Variants in HDLBP observed in about 807,000 individuals in gnomAD.
The protein encoded by HDLBP is high density lipoprotein binding protein, also known as vigilin.
In HDLBP, 30 loss-of-function variants were observed where a neutral mutation model predicts 137.3. The observed-to-expected ratio is 0.22, with a 90% CI of 0.16 to 0.30. The LOEUF is 0.30. Ranked by LOEUF, HDLBP falls within the 10% of genes least tolerant of loss-of-function variation. The pLI, the probability that HDLBP is intolerant of heterozygous loss-of-function variation, is 1.00. For synonymous variants in HDLBP, 606 were observed against 596.0 expected, an observed-to-expected ratio of 1.02 and a Z score of -0.24; for missense variants, 1,119 against 1,667.3, an observed-to-expected ratio of 0.67 and a Z score of 5.73.
At chr2:241,267,855 G>A in intron 2 of HDLBP, 1 of 1,429,654 alleles carries the variant, frequency 7.0e-7, no homozygotes. Flanking sequence ...GGGAAACCTG[G>A]CCCAAGGGCG....
chr2:241,291,474 G>GTACT (rs1252158844), intron 1 of HDLBP, among the ~76,000 whole-genome samples: 2 of 152,146 alleles, frequency 1.3e-5, no homozygotes, highest in African/African-American at 4.8e-5. Context: ...CAGGTTTATA[G>GTACT]TACTAGGGGG....
At chr2:241,305,901 C>A (rs1035513451) in intron 1 of HDLBP, among the ~76,000 whole-genome samples, 2 of 151,616 alleles carry the variant, frequency 1.3e-5, no homozygotes, top group African/African-American at 4.8e-5. Flanking sequence ...GCTGGGACTA[C>A]AGGCATCCGC....
At chr2:241,246,418 A>G (rs2071687181) in intron 16 of HDLBP, among the ~76,000 whole-genome samples, 1 of 152,208 alleles carries the variant, frequency 6.6e-6, no homozygotes, top group South Asian at 2.1e-4. Context: ...TACACTGTAA[A>G]TATGTACAAT....
In HDLBP at chr2:241,242,528, C is replaced by G. The variant is rs1477335554; in HGVS notation, c.2101G>C (p.Val701Leu). 2.5e-6 allele frequency: 4 copies of G among 1,614,074 alleles called. No individual in the cohort carries two copies. The highest frequency in any genetic ancestry group is 1.3e-5 in the African/African-American group (1 of 74,924). Residue 701 changes from valine to leucine, a missense_variant, in exon 17 of 28, where the codon GTT (valine) becomes CTT (leucine). Val to Leu is a conservative substitution (Grantham distance 32). Coordinates refer to ENST00000310931, the MANE Select transcript of HDLBP (RefSeq NM_005336.6). The stretch of plus-strand genomic sequence containing the variant: ...ACATCCGAGGAAGGGCCCCTGATAA[C>G]AACGGTGTCGCTTCCTGAACCTTCC... ...PVEGSGSDTV[V>L]IRGPSSDVEK...
intron 1 of HDLBP, among the ~76,000 whole-genome samples, chr2:241,305,791 G>A (rs1224248115): frequency 3.3e-4 from 49 of 146,444 alleles, no homozygotes; most frequent in Non-Finnish European, 7.0e-4. Context: ...ATGGAGTCTC[G>A]CTCTGTCGCC....
intron 3 of HDLBP, among the ~76,000 whole-genome samples, chr2:241,265,175 T>C (rs2073557133): frequency 6.6e-6 from 1 of 152,190 alleles, no homozygotes; most frequent in Non-Finnish European, 1.5e-5. Context: ...TCCCAGCACT[T>C]TGGGAGGCCG....
At chr2:241,314,642 T>C (rs2075937228) in intron 1 of HDLBP, among the ~76,000 whole-genome samples, 1 of 152,210 alleles carries the variant, frequency 6.6e-6, no homozygotes, top group African/African-American at 2.4e-5. Flanking sequence ...CTTCCTTCGA[T>C]TTTACATGGC....
In HDLBP at chr2:241,235,238, C is replaced by T. The variant is rs777296867; in HGVS notation, c.3027G>A (p.Pro1009=). 39 of 1,614,038 alleles carry T rather than the reference C, an allele frequency of 2.4e-5. No homozygotes were observed. The highest frequency in any genetic ancestry group is 8.3e-5 in the Admixed American group (5 of 60,002). Residue 1009 remains proline (P), a synonymous_variant, in exon 23 of 28, where the codon CCG becomes CCA. Coordinates refer to ENST00000310931, the MANE Select transcript of HDLBP (RefSeq NM_005336.6). ...MDEFEVNIHV[P]APELQSDIIA... ...TGATGTCAGACTGCAGCTCAGGTGCCGGGACATGTATGTTCACCTACGTGA... is the reference window on the plus strand; with the variant it reads ...TGATGTCAGACTGCAGCTCAGGTGCTGGGACATGTATGTTCACCTACGTGA...
chr2:241,268,560 T>C lies in HDLBP; in HGVS notation c.-102-19A>G. On this transcript the variant is annotated intron_variant, in intron 1 of 27. Transcript: ENST00000310931. ...GCTTTTGCTGGTATGGGATGGGAAG[T>C]GGGAGAGGAGAGAGAGGAAACCAGA... 1.1e-6 allele frequency: 1 copy of C among 930,504 alleles called. No homozygotes were observed. The highest frequency in any genetic ancestry group is 5.6e-4 in the Middle Eastern group (1 of 1,800). 57.6% of individuals were successfully genotyped at this position (930,504 alleles called of 1,614,324 possible).
intron 1 of HDLBP, among the ~76,000 whole-genome samples, chr2:241,298,071 AAAAAAAAAAAAGG>A (rs1689478897): frequency 6.9e-6 from 1 of 145,468 alleles, no homozygotes; most frequent in African/African-American, 2.5e-5. Context: ...AAAAAAAAAA[AAAAAAAAAAAAGG>A]GCCAGGCATG....
chr2:241,271,590 G>A (rs2074041072), intron 1 of HDLBP, among the ~76,000 whole-genome samples: 1 of 152,182 alleles, frequency 6.6e-6, no homozygotes, highest in Admixed American at 6.5e-5. Context: ...CTTGTGATAA[G>A]TTTTGCCAAC....
rs928760320 is a variant in HDLBP, at chr2:241,239,376, C to CT, written c.2610+225dup. Among the ~76,000 whole-genome samples, 174 of 147,762 alleles carry CT rather than the reference C, an allele frequency of 1.2e-3. 1 individual carries two copies. Among genetic ancestry groups the CT allele is most frequent in the African/African-American group, 3.2e-3 (128 of 40,392 alleles). On this transcript the variant is annotated intron_variant, in intron 19 of 27. Coordinates refer to ENST00000310931, the MANE Select transcript of HDLBP (RefSeq NM_005336.6). This position sits in a 1 kb window ranked among gnomAD's most constrained non-coding sequence, Gnocchi z 4.6. The stretch of plus-strand genomic sequence containing the variant: ...CCTCTCCTCTTCTCCTTCTCTCTCT[C>CT]TTTTTTTTTTTAAGTGCTTCTCGCA...
chr2:241,251,385 A>C (rs1158558187), intron 11 of HDLBP, among the ~76,000 whole-genome samples: 1 of 152,224 alleles, frequency 6.6e-6, no homozygotes, highest in Non-Finnish European at 1.5e-5. Context: ...CTGTCACGTA[A>C]AATGCCCACA....
intron 5 of HDLBP, among the ~76,000 whole-genome samples, chr2:241,261,525 G>A (rs1236640561): frequency 6.6e-6 from 1 of 152,186 alleles, no homozygotes; most frequent in African/African-American, 2.4e-5. Context: ...GAGAGTGTCA[G>A]GGGTCAATGT....
At chr2:241,288,957 G>C (rs2074921599) in intron 1 of HDLBP, among the ~76,000 whole-genome samples, 1 of 152,176 alleles carries the variant, frequency 6.6e-6, no homozygotes, top group Non-Finnish European at 1.5e-5. Flanking sequence ...TACACTTGAT[G>C]ATTTTTTCCT....
chr2:241,276,814 G>A (rs74805620), intron 1 of HDLBP, among the ~76,000 whole-genome samples: 1 of 152,082 alleles, frequency 6.6e-6, no homozygotes, highest in Non-Finnish European at 1.5e-5. Flanking sequence ...GTTACTAGGA[G>A]AAATTGATAT....
At chr2:241,251,825 A>C (rs182757986) in intron 11 of HDLBP, among the ~76,000 whole-genome samples, 43 of 152,138 alleles carry the variant, frequency 2.8e-4, no homozygotes, top group Non-Finnish European at 4.6e-4. Context: ...AAATACAAAA[A>C]AATTAGCTGG....
chr2:241,267,590 A>C, intron 2 of HDLBP: 1 of 1,535,706 alleles, frequency 6.5e-7, no homozygotes, highest in Non-Finnish European at 8.7e-7. Flanking sequence ...CTTAATGCTT[A>C]CAAAATGCAT....
intron 1 of HDLBP, among the ~76,000 whole-genome samples, chr2:241,306,984 A>C (rs1559559461): frequency 8.3e-6 from 1 of 121,144 alleles, no homozygotes; most frequent in Non-Finnish European, 1.8e-5. Context: ...AAAAAAAAAA[A>C]AAACGAGGAA....
Sources: gnomAD v4.1 joint callset for allele counts (sites outside exome capture counted in the v4.1 genomes callset) on GRCh38, gnomAD v4.1.1 for gene constraint, Gnocchi (gnomAD v3.1) non-coding constraint, MANE v1.5 for transcripts, NCBI Gene and HGNC (gene_info 2026-07-23, HGNC 2026-07-21) for gene names.